The following LYRM4 variants were observed in gnomAD, a reference collection of about 807,000 sequenced individuals.
LYRM4 encodes LYR motif containing 4.
Under a neutral mutation model 11.7 loss-of-function variants are expected in LYRM4, and 9 were observed. The ratio of observed to expected loss-of-function variants is 0.77; its 90% CI spans 0.46 to 1.34. The LOEUF (loss-of-function observed/expected upper bound fraction) is 1.34, where lower values mean the gene tolerates loss of function less well. LYRM4 is among the 40% of genes most tolerant of loss of function. The pLI is 0.00. For missense variants in LYRM4, 133 were observed against 112.5 expected, an observed-to-expected ratio of 1.18 and a Z score of -0.82; for synonymous variants, 42 against 40.4, an observed-to-expected ratio of 1.04 and a Z score of -0.15.
Position 5,120,352 on chromosome 6 carries a change from G to A in LYRM4, c.208-10861C>T, listed in dbSNP as rs77952197. Among the ~76,000 whole-genome samples, 580 of 152,256 alleles carry A rather than the reference G, an allele frequency of 3.8e-3. 3 individuals carry two copies. The highest frequency in any genetic ancestry group is 5.3e-3 in the Non-Finnish European group (358 of 68,016). On this transcript the variant is annotated intron_variant, in intron 2 of 2. Transcript: ENST00000330636. ...GAGGTTCCTATTGAGGTCTGTGCAC[G>A]GGAGCCACAGGGTCTGCTTTGTAGT...
chr6:5,078,110 A>G, the LYRM4 span, among the ~76,000 whole-genome samples: 2 of 152,260 alleles, frequency 1.3e-5, no homozygotes, highest in Admixed American at 1.3e-4. Context: ...ACATAAGTAA[A>G]GCACATTGAA....
intron 2 of LYRM4, among the ~76,000 whole-genome samples, chr6:5,146,732 G>C (rs1581375910): frequency 6.6e-6 from 1 of 152,172 alleles, no homozygotes; most frequent in Non-Finnish European, 1.5e-5. Flanking sequence ...TAGAGGAGGG[G>C]GTTCCTGGGC....
At chr6:5,054,414 G>T in the LYRM4 span, 2 of 153,730 alleles carry the variant, frequency 1.3e-5, no homozygotes, top group African/African-American at 4.8e-5. Flanking sequence ...AGTGTGCATG[G>T]TCTTTTCATG....
In LYRM4 at chr6:5,260,927, C is replaced by T; in HGVS notation, c.-194G>A. ...CGGCGCCAGGCGTCCCGCGCCGCTTCGGGGGCGGGCGCAGGCAGGGCTCGG... is the reference window on the plus strand; with the variant it reads ...CGGCGCCAGGCGTCCCGCGCCGCTTTGGGGGCGGGCGCAGGCAGGGCTCGG... On this transcript the variant is annotated 5_prime_UTR_variant, in exon 1 of 3. Coordinates refer to ENST00000330636, the MANE Select transcript of LYRM4 (RefSeq NM_020408.6). The T allele has an allele frequency of 3.7e-6, 5 of 1,355,802 alleles. No individual in the cohort carries two copies. Among genetic ancestry groups the T allele is most frequent in the Non-Finnish European group, 3.8e-6 (4 of 1,058,820 alleles). The allele number at this position is 1,355,802 out of a possible 1,614,324, so 84.0% of individuals were successfully genotyped here. A position where few individuals can be genotyped will look rare whatever the true frequency, so the allele number is the denominator to read the frequency against.
chr6:5,088,834 A>G, the LYRM4 span: 1 of 152,252 alleles, frequency 6.6e-6, no homozygotes, highest in African/African-American at 2.4e-5. Flanking sequence ...TCATTGTGTC[A>G]GGCAGGGGAA....
At chr6:5,070,437 TTAA>T in the LYRM4 span, among the ~76,000 whole-genome samples, 2 of 152,212 alleles carry the variant, frequency 1.3e-5, no homozygotes, top group Non-Finnish European at 2.9e-5. Context: ...GTATAAATGT[TTAA>T]TGTTTTTATT....
At chr6:5,067,650 C>T in the LYRM4 span, among the ~76,000 whole-genome samples, 1 of 152,208 alleles carries the variant, frequency 6.6e-6, no homozygotes, top group Non-Finnish European at 1.5e-5. Flanking sequence ...GGAGGCAAGG[C>T]TTGGCGACTG....
the LYRM4 span, among the ~76,000 whole-genome samples, chr6:5,036,604 A>T: frequency 1.3e-5 from 2 of 152,206 alleles, no homozygotes; most frequent in Admixed American, 6.5e-5. Flanking sequence ...TGTCCAGACT[A>T]GCGAGTGCTG....
At chr6:5,080,331 A>G in the LYRM4 span, among the ~76,000 whole-genome samples, 1 of 152,266 alleles carries the variant, frequency 6.6e-6, no homozygotes, top group East Asian at 1.9e-4. Context: ...TTCATGGTCA[A>G]AGTCAGAGTG....
chr6:5,243,183 C>T (rs1763988333), intron 1 of LYRM4, among the ~76,000 whole-genome samples: 1 of 152,210 alleles, frequency 6.6e-6, no homozygotes, highest in Non-Finnish European at 1.5e-5. Context: ...ACACTTGTCC[C>T]ATTTGTTTTG....
the LYRM4 span, among the ~76,000 whole-genome samples, chr6:5,094,353 A>C: frequency 1.3e-5 from 2 of 152,150 alleles, no homozygotes; most frequent in African/African-American, 4.8e-5. Flanking sequence ...GCCTGATGGC[A>C]CACACCCGTA....
In LYRM4 at chr6:5,172,463, C is replaced by A. The variant is rs531985482; in HGVS notation, c.207+44155G>T. On this transcript the variant is annotated intron_variant, in intron 2 of 2. Coordinates refer to ENST00000330636, the MANE Select transcript of LYRM4 (RefSeq NM_020408.6). ...TCCCTTCCTTTTGCTTTGATGCTAG[C>A]GTCACTAAGCTGCCCCGACCCTACC... is the stretch of plus-strand genomic sequence containing the variant. Among the ~76,000 whole-genome samples the A allele has an allele frequency of 3.3e-5, 5 of 152,254 alleles. No homozygotes were observed. The East Asian group carries it at 7.7e-4, about 24-fold the overall frequency.
the LYRM4 span, among the ~76,000 whole-genome samples, chr6:5,081,037 C>T: frequency 4.0e-5 from 6 of 151,040 alleles, no homozygotes; most frequent in South Asian, 2.1e-4. Flanking sequence ...ATAGGTAACA[C>T]GAACAAACGG....
rs551148560 is a variant in LYRM4 at position 5,194,077 on chromosome 6, G to A, written c.207+22541C>T. On this transcript the variant is annotated intron_variant, in intron 2 of 2. Coordinates refer to ENST00000330636, the MANE Select transcript of LYRM4 (RefSeq NM_020408.6). ...GAACCAACAGGGTGTGTGTGGGGGG[G>A]TGGGGGGTGGGGGAAGAGAATGAGA... Among the ~76,000 whole-genome samples, 63 of 113,848 alleles carry A rather than the reference G, an allele frequency of 5.5e-4. 1 individual carries two copies. Among genetic ancestry groups the A allele is most frequent in the African/African-American group, 2.0e-3 (60 of 29,444 alleles). The allele number at this position is 113,848 out of a possible 152,430, so 74.7% of individuals were successfully genotyped here.
chr6:5,144,269 T>G (rs756799487), intron 2 of LYRM4: 33 of 1,536,890 alleles, frequency 2.1e-5, no homozygotes, highest in Non-Finnish European at 2.9e-5. Context: ...CTACCTGCAC[T>G]GAGATACAGG....
At chr6:5,252,365 C>T (rs965624642) in intron 1 of LYRM4, among the ~76,000 whole-genome samples, 2 of 152,216 alleles carry the variant, frequency 1.3e-5, no homozygotes, top group African/African-American at 4.8e-5. Context: ...ATGCCTCACT[C>T]TGCCTTGAAA....
the LYRM4 span, chr6:5,066,861 C>T: frequency 1.0e-5 from 9 of 875,642 alleles, no homozygotes; most frequent in African/African-American, 1.4e-4. Context: ...CAGGCCACGG[C>T]GGTTCCTCGC....
chr6:5,072,708 C>T, the LYRM4 span, among the ~76,000 whole-genome samples: 2 of 151,896 alleles, frequency 1.3e-5, no homozygotes, highest in African/African-American at 2.4e-5. Context: ...GCCACCGCAT[C>T]GGCCCACATC....
chr6:5,056,599 A>G, the LYRM4 span, among the ~76,000 whole-genome samples: 1 of 152,270 alleles, frequency 6.6e-6, no homozygotes, highest in East Asian at 1.9e-4. Context: ...CTTATCCAAT[A>G]GCAACAATCA....
Sources: gnomAD v4.1 joint callset for allele counts (sites outside exome capture counted in the v4.1 genomes callset) on GRCh38, gnomAD v4.1.1 for gene constraint, MANE v1.5 for transcripts, NCBI Gene and HGNC (gene_info 2026-07-23, HGNC 2026-07-21) for gene names.